Variants in LSS observed in about 807,000 individuals in gnomAD.
LSS encodes 2,3-epoxysqualene-lanosterol cyclase.
In LSS, 90 loss-of-function variants were observed where a neutral mutation model predicts 110.3. That is an observed-to-expected ratio of 0.82 (90% CI 0.69 to 0.97). The LOEUF is 0.97. LSS is among the 50% of genes least tolerant of loss of function. The probability of loss-of-function intolerance (pLI) is 0.00; values close to 1 mark genes in which losing one functional copy is unlikely to be tolerated. For missense variants in LSS, 927 were observed against 990.0 expected (o/e 0.94, Z 0.85); for synonymous variants, 433 against 400.0 (o/e 1.08, Z -0.98).
intron 9 of LSS, 32 bp downstream of exon 9, chr21:46,215,148 G>A (rs1267107322): frequency 2.5e-6 from 4 of 1,571,804 alleles, no homozygotes; most frequent in South Asian, 1.1e-5. Flanking sequence ...ACCCCCAGGG[G>A]CTGCAGTCAG....
chr21:46,219,962 G>A (rs73144754), intron 5 of LSS, among the ~76,000 whole-genome samples: 26,287 of 152,142 alleles, frequency 0.17, 2,695 homozygotes, highest in Non-Finnish European at 0.23. Context: ...AAGTGACAGC[G>A]CACACTCAGC....
chr21:46,211,157 C>T (rs548527618), intron 11 of LSS, among the ~76,000 whole-genome samples: 5 of 152,158 alleles, frequency 3.3e-5, no homozygotes, highest in South Asian at 4.1e-4. Context: ...GATGAAGTCT[C>T]GCTCTGTTGC....
Position 46,191,249 on chromosome 21 carries a change from G to C in LSS, c.2068-14C>G. ...AGCAATGTTTTCCTAAAAGAACACAGAGAAATAAACACAAAGGCTTCACCA... is the reference window on the plus strand; with the variant it reads ...AGCAATGTTTTCCTAAAAGAACACACAGAAATAAACACAAAGGCTTCACCA... On this transcript the variant is annotated splice_polypyrimidine_tract_variant and intron_variant, in intron 21 of 21. Transcript: ENST00000397728. 6.2e-7 allele frequency: 1 copy of C among 1,614,004 alleles called. No individual in the cohort carries two copies. Among genetic ancestry groups the C allele is most frequent in the Non-Finnish European group, 8.5e-7 (1 of 1,179,962 alleles).
At chr21:46,217,653 G>A (rs1434557753) in intron 6 of LSS, among the ~76,000 whole-genome samples, 1 of 152,140 alleles carries the variant, frequency 6.6e-6, no homozygotes, top group Non-Finnish European at 1.5e-5. Flanking sequence ...AGCAACTCCA[G>A]CAAAGACAAG....
Position 46,216,124 on chromosome 21 carries a change from G to A in LSS, c.783+265C>T, listed in dbSNP as rs1414276688. Among the ~76,000 whole-genome samples, 2 of 152,122 alleles carry A rather than the reference G, an allele frequency of 1.3e-5. No homozygotes were observed. Among genetic ancestry groups the A allele is most frequent in the African/African-American group, 2.4e-5 (1 of 41,424 alleles). ...CTTCCAGAGGACACAGTGCACATCT[G>A]CCTCCTGCATCCCTTGAGTCCTGGA... On this transcript the variant is annotated intron_variant, in intron 7 of 21. Coordinates refer to ENST00000397728, the MANE Select transcript of LSS (RefSeq NM_002340.6). This position sits in a 1 kb window ranked among gnomAD's most constrained non-coding sequence, Gnocchi z 4.2.
Position 46,189,816 on chromosome 21 carries a change from G to A in LSS, c.*1288C>T, listed in dbSNP as rs1435506108. On this transcript the variant is annotated 3_prime_UTR_variant, in exon 22 of 22. Coordinates refer to ENST00000397728, the MANE Select transcript of LSS (RefSeq NM_002340.6). ...GGCAGCAGGGGTAACGAAGCTCTCA[G>A]TGACTCCTCCCAGTAGCCAGGGGAG... 1 of 436,722 alleles carries A rather than the reference G, an allele frequency of 2.3e-6. No homozygotes were observed. The highest frequency in any genetic ancestry group is 2.0e-5 in the African/African-American group (1 of 51,128). The allele number at this position is 436,722 out of a possible 1,614,324, so 27.1% of individuals were successfully genotyped here.
chr21:46,212,271 A>C (rs1390918842), intron 11 of LSS, among the ~76,000 whole-genome samples: 1 of 152,204 alleles, frequency 6.6e-6, no homozygotes, highest in Non-Finnish European at 1.5e-5. Context: ...TGCTGGGCCC[A>C]CGTGTATCCA....
At chr21:46,204,065 G>A (rs1204496409) in intron 17 of LSS, among the ~76,000 whole-genome samples, 1 of 152,214 alleles carries the variant, frequency 6.6e-6, no homozygotes, top group Non-Finnish European at 1.5e-5. Flanking sequence ...GGCCAAGGAA[G>A]GTGGATCACC....
intron 17 of LSS, chr21:46,196,476 G>A: frequency 1.8e-6 from 1 of 562,684 alleles, no homozygotes; most frequent in Non-Finnish European, 3.2e-6. Flanking sequence ...GTCTGAGAAA[G>A]GGACGTGAGG....
At chr21:46,206,489 T>C (rs1482426094) in intron 16 of LSS, among the ~76,000 whole-genome samples, 183 bp downstream of exon 16, 4 of 152,164 alleles carry the variant, frequency 2.6e-5, no homozygotes, top group Non-Finnish European at 5.9e-5. Context: ...ACAAGGATCC[T>C]GCCACCCCGG....
chr21:46,212,966 T>C (rs985314498), intron 11 of LSS, 59 bp downstream of exon 11: 62 of 1,606,264 alleles, frequency 3.9e-5, no homozygotes, highest in Non-Finnish European at 5.1e-5. Flanking sequence ...AAAGGAAAAA[T>C]AATAAAGGGG....
Position 46,190,782 on chromosome 21 carries a change from C to T in LSS, c.*322G>A. 2 of 337,146 alleles carry T rather than the reference C, an allele frequency of 5.9e-6. No homozygotes were observed. Among genetic ancestry groups the T allele is most frequent in the Non-Finnish European group, 1.1e-5 (2 of 181,760 alleles). 20.9% of individuals were successfully genotyped at this position (337,146 alleles called of 1,614,324 possible). On this transcript the variant is annotated 3_prime_UTR_variant, in exon 22 of 22. Transcript: ENST00000397728. This position sits in a 1 kb window ranked among gnomAD's most constrained non-coding sequence, Gnocchi z 4.6. ...AACTCAGCTATTGGTCAGAAAAAACCTCCTAGCCTCACTACCTTGAGGCCG... is the reference window on the plus strand; with the variant it reads ...AACTCAGCTATTGGTCAGAAAAAACTTCCTAGCCTCACTACCTTGAGGCCG...
chr21:46,195,633 G>T, intron 19 of LSS, 43 bp downstream of exon 19: 1 of 1,523,798 alleles, frequency 6.6e-7, no homozygotes, highest in Non-Finnish European at 9.1e-7. Flanking sequence ...ACAGAGCATT[G>T]GGTTGAGAAC....
At position 46,217,670 on chromosome 21, in the gene LSS, C is replaced by A. The variant is rs550847261; in HGVS notation, c.648-1146G>T. Reference sequence around the variant, plus strand: ...CAACTCCAGCAAAGACAAGCAGCACCCTGGCGTGCCCATGCGGCAGCACTG... The same window carrying A: ...CAACTCCAGCAAAGACAAGCAGCACACTGGCGTGCCCATGCGGCAGCACTG... On this transcript the variant is annotated intron_variant, in intron 6 of 21. Transcript: ENST00000397728. Among the ~76,000 whole-genome samples the A allele has an allele frequency of 3.3e-5, 5 of 152,322 alleles. No individual in the cohort carries two copies. In the South Asian group the frequency reaches 8.3e-4, roughly 25 times the overall value.
chr21:46,227,349 C>T, intron 3 of LSS: 1 of 597,008 alleles, frequency 1.7e-6, no homozygotes, highest in Non-Finnish European at 2.9e-6. Flanking sequence ...TATCAGAGAG[C>T]CTGTCACCCT....
chr21:46,221,589 T>G (rs2080279875), intron 5 of LSS, among the ~76,000 whole-genome samples: 1 of 152,196 alleles, frequency 6.6e-6, no homozygotes, highest in Admixed American at 6.5e-5. Context: ...AACTCTTAGG[T>G]TGAAGTGGTC....
chr21:46,220,639 T>C (rs1341612902), intron 5 of LSS, among the ~76,000 whole-genome samples: 2 of 152,158 alleles, frequency 1.3e-5, no homozygotes, highest in East Asian at 3.9e-4. Flanking sequence ...CAGGCCAGGC[T>C]CTGCAGAGCC....
intron 3 of LSS, among the ~76,000 whole-genome samples, chr21:46,223,251 AG>A (rs1601450080): frequency 6.6e-6 from 1 of 152,166 alleles, no homozygotes; most frequent in Non-Finnish European, 1.5e-5. Context: ...TGCAAATGTC[AG>A]GGGGGAGGCA....
intron 9 of LSS, among the ~76,000 whole-genome samples, chr21:46,214,854 A>AAAAAGC (rs1258338399): frequency 6.6e-6 from 1 of 152,168 alleles, no homozygotes; most frequent in Non-Finnish European, 1.5e-5. Flanking sequence ...CCAAGTGAGG[A>AAAAAGC]AAAAGCACCC....
Sources: allele counts gnomAD v4.1 joint callset (sites outside exome capture counted in the v4.1 genomes callset), GRCh38; gene constraint gnomAD v4.1.1; non-coding constraint Gnocchi (gnomAD v3.1); transcripts MANE v1.5; gene names NCBI Gene and HGNC (gene_info 2026-07-23, HGNC 2026-07-21).